SCAF11: variants seen among roughly 807,000 people sequenced by gnomAD.
The protein encoded by SCAF11 is protein SCAF11.
In SCAF11, 47 loss-of-function variants were observed where a neutral mutation model predicts 140.5. The observed-to-expected ratio is 0.33, with a 90% CI of 0.26 to 0.43. The LOEUF (loss-of-function observed/expected upper bound fraction) is 0.43. Among genes scored for constraint, SCAF11 ranks in the 20% least tolerant of loss-of-function variants. SCAF11 has a pLI of 1.00. For synonymous variants in SCAF11, 557 were observed against 579.4 expected (o/e 0.96, Z 0.55); for missense variants, 1,645 against 1,705.1 (o/e 0.96, Z 0.62).
At chr12:45,952,152 T>C (rs1945565668) in intron 3 of SCAF11, among the ~76,000 whole-genome samples, 1 of 152,150 alleles carries the variant, frequency 6.6e-6, no homozygotes, top group Admixed American at 6.6e-5. Flanking sequence ...AAATAGGCAG[T>C]TGTGCCAGCA....
intron 1 of SCAF11, among the ~76,000 whole-genome samples, chr12:45,985,845 G>A (rs1457865730): frequency 2.0e-5 from 3 of 152,206 alleles, no homozygotes; most frequent in African/African-American, 4.8e-5. Context: ...AAAGGCCAAT[G>A]AGCTTCACAT....
In SCAF11 at chr12:45,925,079, C is replaced by A. The variant is rs1263505162; in HGVS notation, c.3560-5G>T. ...TTTGGTCTTTTAGGCTAGAATCTAT[C>A]AAAAGAAAAAAAGCTTGTGAAAAAA... On this transcript the variant is annotated splice_region_variant and splice_polypyrimidine_tract_variant and intron_variant, in intron 11 of 14. Coordinates refer to ENST00000369367, the MANE Select transcript of SCAF11 (RefSeq NM_004719.3). 3 of 1,579,438 alleles carry A rather than the reference C, an allele frequency of 1.9e-6. No individual in the cohort carries two copies. Among genetic ancestry groups the A allele is most frequent in the Non-Finnish European group, 2.6e-6 (3 of 1,162,230 alleles).
chr12:45,976,834 A>G (rs1946246230), intron 1 of SCAF11, among the ~76,000 whole-genome samples: 1 of 152,106 alleles, frequency 6.6e-6, no homozygotes, highest in Non-Finnish European at 1.5e-5. Context: ...GAAGGAAGAA[A>G]ATAAAGGAAC....
rs143643099 is a variant in SCAF11 at position 45,946,699 on chromosome 12, G to C, written c.399-1386C>G. Among the ~76,000 whole-genome samples, 266 of 152,224 alleles carry C rather than the reference G, an allele frequency of 1.7e-3. 1 individual carries two copies. Among genetic ancestry groups the C allele is most frequent in the African/African-American group, 5.9e-3 (244 of 41,544 alleles). On this transcript the variant is annotated intron_variant, in intron 5 of 14. Transcript: ENST00000369367. ...CAGCCAGTGATATGAGTTGTATCAA[G>C]AATTAAAAGTATTTCTACCAAAAGG...
Position 45,973,705 on chromosome 12 carries a change from C to T in SCAF11, c.-21-9517G>A, listed in dbSNP as rs570864049. 5.7e-4 allele frequency among the ~76,000 whole-genome samples: 86 copies of T among 152,112 alleles called. 1 individual carries two copies. The South Asian group carries it at 0.015, about 27-fold the overall frequency. On this transcript the variant is annotated intron_variant, in intron 1 of 14. Coordinates refer to ENST00000369367, the MANE Select transcript of SCAF11 (RefSeq NM_004719.3). ...AAAGGGGAACAACATCCTTCAAATG[C>T]TAAAATGGAAAAGAACTGTAAACCT... is the stretch of plus-strand genomic sequence containing the variant.
intron 12 of SCAF11, among the ~76,000 whole-genome samples, chr12:45,923,774 C>T (rs1041064985): frequency 9.2e-5 from 14 of 152,078 alleles, no homozygotes; most frequent in African/African-American, 3.1e-4. Flanking sequence ...TCTCCGACTA[C>T]CAGGTTCAAG....
intron 6 of SCAF11, among the ~76,000 whole-genome samples, chr12:45,941,879 C>A (rs931289976): frequency 1.3e-4 from 20 of 152,164 alleles, no homozygotes; most frequent in Admixed American, 1.3e-4. Flanking sequence ...AGTGTGCTTG[C>A]CTCTCCTGCC....
intron 3 of SCAF11, 89 bp downstream of exon 3, chr12:45,961,611 G>A (rs1945832337): frequency 3.7e-6 from 4 of 1,072,114 alleles, no homozygotes; most frequent in South Asian, 1.9e-5. Context: ...ATACATTACT[G>A]TGAAATAATT....
intron 6 of SCAF11, among the ~76,000 whole-genome samples, chr12:45,937,802 C>T (rs1158467605): frequency 6.6e-6 from 1 of 152,060 alleles, no homozygotes; most frequent in Non-Finnish European, 1.5e-5. Flanking sequence ...TTTCCTGTAC[C>T]ATCATTTATG....
At chr12:45,967,037 C>T (rs1205815374) in intron 1 of SCAF11, among the ~76,000 whole-genome samples, 1 of 152,084 alleles carries the variant, frequency 6.6e-6, no homozygotes, top group Non-Finnish European at 1.5e-5. Flanking sequence ...ATAGTCTAAC[C>T]TATGCTATTT....
intron 6 of SCAF11, chr12:45,944,943 T>C (rs1945384909): frequency 3.1e-6 from 1 of 317,940 alleles, no homozygotes; most frequent in Non-Finnish European, 5.7e-6. Context: ...CCCCAAGGAC[T>C]TCTGCACTAA....
At chr12:45,922,611 A>T (rs768924032) in intron 13 of SCAF11, 29 bp from the exon 14 acceptor site, 1 of 1,565,510 alleles carries the variant, frequency 6.4e-7, no homozygotes, top group Non-Finnish European at 8.6e-7. Context: ...ATAATTTATT[A>T]TTTGCCAGTC....
At chr12:45,983,120 T>C (rs1293003145) in intron 1 of SCAF11, among the ~76,000 whole-genome samples, 3 of 152,242 alleles carry the variant, frequency 2.0e-5, no homozygotes, top group African/African-American at 7.2e-5. Flanking sequence ...ACTTACGTTG[T>C]GTTTCCTTAG....
At chr12:45,923,190 T>G (rs1944757171) in intron 12 of SCAF11, 36 bp from the exon 13 acceptor site, 1 of 1,558,760 alleles carries the variant, frequency 6.4e-7, no homozygotes, top group South Asian at 1.1e-5. Flanking sequence ...AATGAATTAC[T>G]TGTACTCGAT....
At chr12:45,980,417 A>G (rs1335379615) in intron 1 of SCAF11, among the ~76,000 whole-genome samples, 1 of 152,182 alleles carries the variant, frequency 6.6e-6, no homozygotes, top group East Asian at 1.9e-4. Flanking sequence ...TTCTAAACAC[A>G]CTTAGTCCCT....
At chr12:45,979,121 T>C (rs1946297665) in intron 1 of SCAF11, among the ~76,000 whole-genome samples, 1 of 141,008 alleles carries the variant, frequency 7.1e-6, no homozygotes, top group Non-Finnish European at 1.5e-5. Flanking sequence ...TATGCCCTCA[T>C]GGATGGAATT....
chr12:45,988,909 AAT>A (rs1946525026), intron 1 of SCAF11, among the ~76,000 whole-genome samples: 1 of 152,224 alleles, frequency 6.6e-6, no homozygotes. Flanking sequence ...TTGCATAAAA[AAT>A]ATAAATTCAG....
chr12:45,926,607 G>A lies in SCAF11; in HGVS notation c.3094C>T (p.Pro1032Ser), dbSNP rs754112741. 1 of 1,613,866 alleles carries A rather than the reference G, an allele frequency of 6.2e-7. No individual in the cohort carries two copies. The highest frequency in any genetic ancestry group is 1.1e-5 in the South Asian group (1 of 91,062). ...NWITEKINSG[P>S]DPRTRNPEKL... ...TCTGGATTTCTGGTTCTTGGATCAGGCCCAGAGTTTATTTTTTCTGTTATC... is the reference window on the plus strand; with the variant it reads ...TCTGGATTTCTGGTTCTTGGATCAGACCCAGAGTTTATTTTTTCTGTTATC... Residue 1032 changes from proline (P) to serine (S), a missense_variant, in exon 11 of 15, where the codon CCT becomes TCT. Pro to Ser is a moderately conservative substitution (Grantham distance 74). Coordinates refer to ENST00000369367, the MANE Select transcript of SCAF11 (RefSeq NM_004719.3).
chr12:45,946,168 A>C (rs1945418627), intron 5 of SCAF11, among the ~76,000 whole-genome samples: 1 of 152,234 alleles, frequency 6.6e-6, no homozygotes, highest in Non-Finnish European at 1.5e-5. Flanking sequence ...CAATGACTTA[A>C]AATGGAGGTT....
Sources: gnomAD v4.1 joint callset for allele counts (sites outside exome capture counted in the v4.1 genomes callset) on GRCh38, gnomAD v4.1.1 for gene constraint, MANE v1.5 for transcripts, NCBI Gene and HGNC (gene_info 2026-07-23, HGNC 2026-07-21) for gene names.